The following POFUT2 variants were observed in gnomAD, a reference collection of about 807,000 sequenced individuals.
POFUT2 encodes the protein protein O-fucosyltransferase 2.
A neutral mutation model predicts 55.0 loss-of-function variants in POFUT2; 30 were observed. The observed-to-expected ratio is 0.55, with a 90% CI of 0.41 to 0.74. The LOEUF is 0.74. Among genes scored for constraint, POFUT2 ranks in the 30% least tolerant of loss-of-function variants. The pLI is 0.00. For synonymous variants in POFUT2, 267 were observed against 231.1 expected, an observed-to-expected ratio of 1.16 and a Z score of -1.41; for missense variants, 524 against 562.6, an observed-to-expected ratio of 0.93 and a Z score of 0.69.
At position 45,270,626 on chromosome 21, in the gene POFUT2, A is replaced by AG. The variant is rs2093210564; in HGVS notation, c.832-608_832-607insC. ...CAGTGCACTCAACAAAACTACAACC[A>AG]AGGACCCCCCCAGAGTCCACTTCAC... On this transcript the variant is annotated intron_variant, in intron 6 of 8. Transcript: ENST00000349485. The surrounding 1 kb of genome is among the most constrained non-coding windows in gnomAD (Gnocchi z 4.6). Among the ~76,000 whole-genome samples, 4 of 152,084 alleles carry AG rather than the reference A, an allele frequency of 2.6e-5. No individual in the cohort carries two copies. Among genetic ancestry groups the AG allele is most frequent in the Admixed American group, 6.5e-5 (1 of 15,278 alleles).
intron 8 of POFUT2, chr21:45,266,339 G>A (rs749909204): frequency 8.2e-5 from 110 of 1,341,776 alleles, no homozygotes; most frequent in Non-Finnish European, 1.1e-4. Flanking sequence ...GCTGCTGCGG[G>A]GTGCAGCACT....
chr21:45,280,748 G>T (rs994568173), intron 4 of POFUT2, among the ~76,000 whole-genome samples: 1 of 149,300 alleles, frequency 6.7e-6, no homozygotes, highest in Non-Finnish European at 1.5e-5. Context: ...CAGGCTGCCT[G>T]TCCCTCACTC....
Position 45,265,991 on chromosome 21 carries a change from A to ATT in POFUT2, c.1137-357_1137-356insAA. ...GCAGGTCGAATACCTCCTGGGGGTC[A>ATT]CATGGTGAACAATGAGAGATTCCTA... On this transcript the variant is annotated intron_variant, in intron 8 of 8. Coordinates refer to ENST00000349485, the MANE Select transcript of POFUT2 (RefSeq NM_133635.6). The surrounding 1 kb of genome is among the most constrained non-coding windows in gnomAD (Gnocchi z 4.6). The ATT allele has an allele frequency of 1.6e-6, 2 of 1,220,092 alleles. No homozygotes were observed. The highest frequency in any genetic ancestry group is 2.1e-6 in the Non-Finnish European group (2 of 959,574). The allele number at this position is 1,220,092 out of a possible 1,614,324, so 75.6% of individuals were successfully genotyped here. A position where few individuals can be genotyped will look rare whatever the true frequency, so the allele number is the denominator to read the frequency against.
chr21:45,265,617 T>C lies in POFUT2; in HGVS notation c.1155A>G (p.Ser385=). 1 of 1,613,550 alleles carries C rather than the reference T, an allele frequency of 6.2e-7. No individual in the cohort carries two copies. Among genetic ancestry groups the C allele is most frequent in the Non-Finnish European group, 8.5e-7 (1 of 1,179,822 alleles). ...CAHARFFIGT[S]VSTFSFRIHE... ...GAATCCGAAAAGAAAATGTTGAGAC[T>C]GAGGTGCCAATAAAAAACCTGCAAA... Residue 385 remains serine (S), a synonymous_variant, in exon 9 of 9, where the codon TCA becomes TCG. Coordinates refer to ENST00000349485, the MANE Select transcript of POFUT2 (RefSeq NM_133635.6). This position sits in a 1 kb window ranked among gnomAD's most constrained non-coding sequence, Gnocchi z 4.6.
chr21:45,280,826 A>T (rs1306054012), intron 4 of POFUT2, among the ~76,000 whole-genome samples: 2 of 151,090 alleles, frequency 1.3e-5, no homozygotes, highest in African/African-American at 4.9e-5. Flanking sequence ...CCCGTCCCTC[A>T]CTCGCTGAGT....
intron 6 of POFUT2, among the ~76,000 whole-genome samples, chr21:45,271,120 A>G (rs2093216316): frequency 6.6e-6 from 1 of 152,200 alleles, no homozygotes; most frequent in South Asian, 2.1e-4. Context: ...GACAAAGGTG[A>G]AAACCAACTT....
At chr21:45,283,213 G>A in intron 3 of POFUT2, 170 bp downstream of exon 3, 1 of 440,304 alleles carries the variant, frequency 2.3e-6, no homozygotes, top group South Asian at 2.1e-5. Flanking sequence ...GGGGAGTGGG[G>A]GGTGAAGACA....
At chr21:45,274,575 A>G (rs1160296452) in intron 6 of POFUT2, among the ~76,000 whole-genome samples, 1 of 152,264 alleles carries the variant, frequency 6.6e-6, no homozygotes, top group East Asian at 1.9e-4. Flanking sequence ...CTACAAGGCT[A>G]TAGTTACCAA....
intron 7 of POFUT2, among the ~76,000 whole-genome samples, chr21:45,268,744 C>T (rs1419817764): frequency 4.7e-5 from 7 of 150,092 alleles, no homozygotes; most frequent in African/African-American, 1.5e-4. Flanking sequence ...CCTCTCCGCC[C>T]GGCAGCCACC....
At position 45,270,513 on chromosome 21, in the gene POFUT2, C is replaced by T. The variant is rs1190174063; in HGVS notation, c.832-494G>A. ...AGGAAGGAGAAAGCAACAGCTAATC[C>T]CACCACCTGCAACCTCCTGGCTGTC... On this transcript the variant is annotated intron_variant, in intron 6 of 8. Transcript: ENST00000349485. This position sits in a 1 kb window ranked among gnomAD's most constrained non-coding sequence, Gnocchi z 4.6. Among the ~76,000 whole-genome samples the T allele has an allele frequency of 1.3e-5, 2 of 152,232 alleles. No homozygotes were observed. The highest frequency in any genetic ancestry group is 2.9e-5 in the Non-Finnish European group (2 of 68,036).
chr21:45,270,458 C>T lies in POFUT2; in HGVS notation c.832-439G>A, dbSNP rs914319323. 2.0e-5 allele frequency among the ~76,000 whole-genome samples: 3 copies of T among 152,228 alleles called. No homozygotes were observed. Among genetic ancestry groups the T allele is most frequent in the South Asian group, 2.1e-4 (1 of 4,832 alleles). ...TGGAGGCCACCAACGCAAATGGCTA[C>T]AGCAAATTCTAACCAACAACCCTGC... On this transcript the variant is annotated intron_variant, in intron 6 of 8. Transcript: ENST00000349485. The surrounding 1 kb of genome is among the most constrained non-coding windows in gnomAD (Gnocchi z 4.6).
intron 4 of POFUT2, among the ~76,000 whole-genome samples, chr21:45,279,581 C>T (rs150380323): frequency 6.6e-6 from 1 of 152,200 alleles, no homozygotes; most frequent in African/African-American, 2.4e-5. Context: ...TGGATCCACA[C>T]AGATGGAAGC....
At chr21:45,269,549 C>T (rs924742442) in intron 7 of POFUT2, among the ~76,000 whole-genome samples, 6 of 152,170 alleles carry the variant, frequency 3.9e-5, no homozygotes, top group East Asian at 1.9e-4. Context: ...GGATTAAGGG[C>T]GGTACAAGAT....
chr21:45,278,482 G>A (rs916000780), intron 4 of POFUT2, among the ~76,000 whole-genome samples: 2 of 152,210 alleles, frequency 1.3e-5, no homozygotes, highest in Non-Finnish European at 2.9e-5. Flanking sequence ...ATCCACCGAC[G>A]GCTATGGCAA....
At position 45,284,077 on chromosome 21, in the gene POFUT2, G is replaced by C. The variant is rs1427487299; in HGVS notation, c.383-550C>G. 2.0e-5 allele frequency among the ~76,000 whole-genome samples: 3 copies of C among 152,206 alleles called. No individual in the cohort carries two copies. Among genetic ancestry groups the C allele is most frequent in the Non-Finnish European group, 4.4e-5 (3 of 68,040 alleles). On this transcript the variant is annotated intron_variant, in intron 2 of 8. Coordinates refer to ENST00000349485, the MANE Select transcript of POFUT2 (RefSeq NM_133635.6). This position sits in a 1 kb window ranked among gnomAD's most constrained non-coding sequence, Gnocchi z 5.8. ...TGGCACTGTGACGCCCAAGAGGTCA[G>C]CAATTAAGATCTGCTCAAAGGCAGC...
At position 45,269,058 on chromosome 21, in the gene POFUT2, G is replaced by A. The variant is rs1475425072; in HGVS notation, c.1012+781C>T. On this transcript the variant is annotated intron_variant, in intron 7 of 8. Coordinates refer to ENST00000349485, the MANE Select transcript of POFUT2 (RefSeq NM_133635.6). ...AGGTGGGGGGGTCAGCCCCCCGCCTGGCCAGCCGCCCCGTCCGGGAGGTGA... is the reference window on the plus strand; with the variant it reads ...AGGTGGGGGGGTCAGCCCCCCGCCTAGCCAGCCGCCCCGTCCGGGAGGTGA... 4.1e-5 allele frequency among the ~76,000 whole-genome samples: 5 copies of A among 121,458 alleles called. 1 individual carries two copies. The highest frequency in any genetic ancestry group is 5.2e-5 in the Non-Finnish European group (3 of 58,236). 79.7% of individuals were successfully genotyped at this position (121,458 alleles called of 152,430 possible). A position where few individuals can be genotyped will look rare whatever the true frequency, so the allele number is the denominator to read the frequency against.
rs752291459 is a variant in POFUT2, at chr21:45,282,876, A to T, written c.528-417T>A. ...TGTTAACTGACAGCTTTTCCACAGGAGGCCTGGTAGTGTCAGAGCCTTTAA... is the reference window on the plus strand; with the variant it reads ...TGTTAACTGACAGCTTTTCCACAGGTGGCCTGGTAGTGTCAGAGCCTTTAA... On this transcript the variant is annotated intron_variant, in intron 3 of 8. Transcript: ENST00000349485. This position sits in a 1 kb window ranked among gnomAD's most constrained non-coding sequence, Gnocchi z 4.6. 1 of 477,060 alleles carries T rather than the reference A, an allele frequency of 2.1e-6. No homozygotes were observed. The highest frequency in any genetic ancestry group is 2.0e-5 in the African/African-American group (1 of 50,418). 29.6% of individuals were successfully genotyped at this position (477,060 alleles called of 1,614,324 possible).
At chr21:45,278,195 A>C (rs2030042762) in intron 4 of POFUT2, 26 bp from the exon 5 acceptor site, 1 of 1,583,988 alleles carries the variant, frequency 6.3e-7, no homozygotes, top group Admixed American at 1.7e-5. Flanking sequence ...AGAAGAATAA[A>C]CAGTTATAAG....
chr21:45,286,164 C>T (rs757193848), intron 1 of POFUT2, among the ~76,000 whole-genome samples: 8 of 152,188 alleles, frequency 5.3e-5, no homozygotes, highest in Non-Finnish European at 1.2e-4. Flanking sequence ...AACACTAAGG[C>T]AGAGGAATCC....
Sources: allele counts gnomAD v4.1 joint callset (sites outside exome capture counted in the v4.1 genomes callset), GRCh38; gene constraint gnomAD v4.1.1; non-coding constraint Gnocchi (gnomAD v3.1); transcripts MANE v1.5; gene names NCBI Gene and HGNC (gene_info 2026-07-23, HGNC 2026-07-21).